Variants in LDLRAD3 observed in about 807,000 individuals in gnomAD.
LDLRAD3 encodes the protein low density lipoprotein receptor class A domain containing 3, also known as low-density lipoprotein receptor class A domain-containing protein 3.
In LDLRAD3, 20 loss-of-function variants were observed where a neutral mutation model predicts 29.4. The ratio of observed to expected loss-of-function variants is 0.68; its 90% confidence interval spans 0.48 to 0.99. LDLRAD3 has a LOEUF of 0.99. LDLRAD3 is among the 50% of genes least tolerant of loss of function. The pLI, the probability that LDLRAD3 is intolerant of heterozygous loss-of-function variation, is 0.00. For missense variants in LDLRAD3, 420 were observed against 454.3 expected (o/e 0.92, Z 0.69); for synonymous variants, 157 against 192.7 (o/e 0.81, Z 1.53).
At position 36,036,091 on chromosome 11, in the gene LDLRAD3, T is replaced by G; in HGVS notation, c.47-12T>G. 6.2e-7 allele frequency: 1 copy of G among 1,612,756 alleles called. No individual in the cohort carries two copies. Among genetic ancestry groups the G allele is most frequent in the Non-Finnish European group, 8.5e-7 (1 of 1,179,156 alleles). On this transcript the variant is annotated splice_polypyrimidine_tract_variant and intron_variant, in intron 1 of 5. Coordinates refer to ENST00000315571, the MANE Select transcript of LDLRAD3 (RefSeq NM_174902.4). The stretch of plus-strand genomic sequence containing the variant: ...TTGCTGTGCCGTCTGACCTGTCCCC[T>G]CTCTCTGACAGAGAGCCAGCTGCTC...
chr11:35,965,120 A>G (rs1851323488), intron 1 of LDLRAD3, among the ~76,000 whole-genome samples: 2 of 152,236 alleles, frequency 1.3e-5, no homozygotes, highest in South Asian at 4.1e-4. Context: ...ATGAAAAAAA[A>G]GAAAAAAACA....
intron 1 of LDLRAD3, among the ~76,000 whole-genome samples, chr11:36,016,570 G>A (rs1369457100): frequency 2.0e-5 from 3 of 152,082 alleles, no homozygotes; most frequent in Non-Finnish European, 4.4e-5. Flanking sequence ...CATCTTGGCC[G>A]CTTTCGTAAG....
chr11:36,211,383 T>C (rs770710125), intron 4 of LDLRAD3, among the ~76,000 whole-genome samples: 2 of 152,226 alleles, frequency 1.3e-5, no homozygotes, highest in Non-Finnish European at 2.9e-5. Context: ...CAGTGAGCAA[T>C]GCTTGGTGGG....
intron 2 of LDLRAD3, among the ~76,000 whole-genome samples, chr11:36,055,809 C>T (rs1852610088): frequency 6.6e-6 from 1 of 152,182 alleles, no homozygotes; most frequent in South Asian, 2.1e-4. Context: ...AGCACCCTTA[C>T]AACTACAGAC....
intron 4 of LDLRAD3, among the ~76,000 whole-genome samples, chr11:36,178,394 A>T (rs1040485096): frequency 6.6e-6 from 1 of 151,824 alleles, no homozygotes; most frequent in African/African-American, 2.4e-5. Context: ...TTTGACCTCC[A>T]TGGTTCATCT....
intron 4 of LDLRAD3, among the ~76,000 whole-genome samples, chr11:36,205,423 T>A (rs1020746763): frequency 6.6e-6 from 1 of 152,300 alleles, no homozygotes; most frequent in South Asian, 2.1e-4. Context: ...GTGTCCCTGA[T>A]GAAGGGCTGT....
intron 4 of LDLRAD3, among the ~76,000 whole-genome samples, chr11:36,139,213 C>T (rs1854043653): frequency 6.6e-6 from 1 of 152,164 alleles, no homozygotes; most frequent in Non-Finnish European, 1.5e-5. Flanking sequence ...GCACCCTGGT[C>T]CCTAAGTTGT....
intron 4 of LDLRAD3, among the ~76,000 whole-genome samples, chr11:36,134,873 A>ATAC (rs1166788444): frequency 6.6e-6 from 1 of 152,144 alleles, no homozygotes; most frequent in Non-Finnish European, 1.5e-5. Flanking sequence ...GGGGACCAGG[A>ATAC]GGTATCATCT....
intron 1 of LDLRAD3, among the ~76,000 whole-genome samples, chr11:35,949,689 T>C (rs1336363953): frequency 6.6e-6 from 1 of 152,230 alleles, no homozygotes; most frequent in Admixed American, 6.5e-5. Flanking sequence ...ACACTTTTCC[T>C]TCCAGCTGTC....
At chr11:36,078,248 C>T (rs1853049268) in intron 2 of LDLRAD3, among the ~76,000 whole-genome samples, 1 of 152,200 alleles carries the variant, frequency 6.6e-6, no homozygotes, top group Non-Finnish European at 1.5e-5. Flanking sequence ...CCTTCCCTGG[C>T]TTGAAGATTG....
rs371365362 is a variant in LDLRAD3 at position 36,119,781 on chromosome 11, T to C, written c.454+21320T>C. Among the ~76,000 whole-genome samples, 6 of 152,344 alleles carry C rather than the reference T, an allele frequency of 3.9e-5. No individual in the cohort carries two copies. In the South Asian group the frequency reaches 8.3e-4, roughly 21 times the overall value. On this transcript the variant is annotated intron_variant, in intron 4 of 5. Coordinates refer to ENST00000315571, the MANE Select transcript of LDLRAD3 (RefSeq NM_174902.4). ...GCAAATATTTTCTCTCATTCTGAGT[T>C]GTCGTTTCACATTCTTAACAGCATC... is the stretch of plus-strand genomic sequence containing the variant.
intron 4 of LDLRAD3, among the ~76,000 whole-genome samples, chr11:36,140,668 A>T (rs974689383): frequency 5.3e-5 from 8 of 152,098 alleles, no homozygotes; most frequent in Non-Finnish European, 1.2e-4. Context: ...CGATCTGCCC[A>T]CTTCGGCCTC....
chr11:36,162,189 G>C (rs1229216654), intron 4 of LDLRAD3, among the ~76,000 whole-genome samples: 2 of 152,176 alleles, frequency 1.3e-5, no homozygotes, highest in South Asian at 2.1e-4. Flanking sequence ...TGGGGGCAGG[G>C]TGCTGGGGAA....
At chr11:36,118,637 T>G (rs562784784) in intron 4 of LDLRAD3, among the ~76,000 whole-genome samples, 2 of 152,166 alleles carry the variant, frequency 1.3e-5, no homozygotes, top group Non-Finnish European at 2.9e-5. Context: ...AAGGTATCAG[T>G]CAATAAGTAT....
chr11:36,110,898 G>A (rs1853596076), intron 4 of LDLRAD3, among the ~76,000 whole-genome samples: 1 of 152,136 alleles, frequency 6.6e-6, no homozygotes, highest in Non-Finnish European at 1.5e-5. Flanking sequence ...AAATGAAATC[G>A]CTGCCCAGTC....
At chr11:36,066,772 T>C (rs1852801222) in intron 2 of LDLRAD3, among the ~76,000 whole-genome samples, 1 of 152,228 alleles carries the variant, frequency 6.6e-6, no homozygotes, top group Non-Finnish European at 1.5e-5. Context: ...TTGTCTCTCT[T>C]CTGCTCCCTC....
chr11:36,170,284 A>G lies in LDLRAD3; in HGVS notation c.455-56801A>G, dbSNP rs186175862. ...CACATATATATACACATATATGTAC[A>G]TATATACACACATATATATACATAT... On this transcript the variant is annotated intron_variant, in intron 4 of 5. Transcript: ENST00000315571. Among the ~76,000 whole-genome samples, 48 of 145,246 alleles carry G rather than the reference A, an allele frequency of 3.3e-4. 1 individual carries two copies. The highest frequency in any genetic ancestry group is 8.8e-4 in the South Asian group (4 of 4,564).
chr11:36,075,288 G>A (rs2133250506), intron 2 of LDLRAD3, among the ~76,000 whole-genome samples: 1 of 59,720 alleles, frequency 1.7e-5, no homozygotes, highest in East Asian at 6.0e-4. Context: ...GGTTTCCTGT[G>A]ACTTCATTTC....
intron 3 of LDLRAD3, among the ~76,000 whole-genome samples, chr11:36,096,092 T>C (rs931280311): frequency 6.6e-6 from 1 of 152,218 alleles, no homozygotes; most frequent in Non-Finnish European, 1.5e-5. Flanking sequence ...CAGACCACTT[T>C]TGTTTGAGTT....
Sources: gnomAD v4.1 joint callset for allele counts (sites outside exome capture counted in the v4.1 genomes callset) on GRCh38, gnomAD v4.1.1 for gene constraint, MANE v1.5 for transcripts, NCBI Gene and HGNC (gene_info 2026-07-23, HGNC 2026-07-21) for gene names.